Variants in RANBP2 observed in about 807,000 individuals in gnomAD.
RANBP2 encodes the protein RAN binding protein 2, also known as E3 SUMO-protein ligase RanBP2.
Under a neutral mutation model 303.6 loss-of-function variants are expected in RANBP2, and 57 were observed. The ratio of observed to expected loss-of-function variants is 0.19; its 90% CI spans 0.15 to 0.23. The LOEUF is 0.23. Ranked by LOEUF, RANBP2 falls within the 10% of genes least tolerant of loss-of-function variation. RANBP2 has a pLI of 1.00. For missense variants in RANBP2, 3,138 were observed against 3,780.8 expected, an observed-to-expected ratio of 0.83 and a Z score of 4.46; for synonymous variants, 1,167 against 1,301.5, an observed-to-expected ratio of 0.90 and a Z score of 2.23.
chr2:109,263,861 C>A, the RANBP2 span, among the ~76,000 whole-genome samples: 2 of 152,092 alleles, frequency 1.3e-5, no homozygotes, highest in Admixed American at 1.3e-4. Context: ...CCCAGCTGCT[C>A]GGGAGGCTGA....
At chr2:109,391,402 C>G in the RANBP2 span, among the ~76,000 whole-genome samples, 1 of 152,222 alleles carries the variant, frequency 6.6e-6, no homozygotes, top group East Asian at 1.9e-4. Flanking sequence ...GCAGGTCACC[C>G]ACAGGCTCGG....
the RANBP2 span, among the ~76,000 whole-genome samples, chr2:109,578,577 G>A: frequency 6.6e-6 from 1 of 152,028 alleles, no homozygotes; most frequent in Non-Finnish European, 1.5e-5. Flanking sequence ...GGCCAGTCTG[G>A]CCAACAGGGC....
the RANBP2 span, chr2:109,128,808 A>G: frequency 1.5e-5 from 3 of 202,538 alleles, no homozygotes; most frequent in African/African-American, 7.2e-5. Context: ...AAAGACTCGG[A>G]CGCTTGGAGG....
the RANBP2 span, among the ~76,000 whole-genome samples, chr2:108,824,427 G>C: frequency 1.3e-5 from 2 of 151,958 alleles, no homozygotes; most frequent in African/African-American, 4.8e-5. Context: ...GTTAGCTTAG[G>C]CTTACACAGG....
At chr2:108,939,537 C>T in the RANBP2 span, among the ~76,000 whole-genome samples, 1 of 152,034 alleles carries the variant, frequency 6.6e-6, no homozygotes, top group African/African-American at 2.4e-5. Context: ...AAGAGTTAGC[C>T]AGGAATCACA....
chr2:109,614,049 G>T, the RANBP2 span: 97 of 1,211,678 alleles, frequency 8.0e-5, no homozygotes, highest in Non-Finnish European at 9.5e-5. Context: ...TTTTGCCTGC[G>T]CCAAGCGAGC....
At chr2:109,240,287 G>A in the RANBP2 span, among the ~76,000 whole-genome samples, 4 of 152,114 alleles carry the variant, frequency 2.6e-5, no homozygotes, top group African/African-American at 4.8e-5. Context: ...ATCACTTGAG[G>A]TCGGGAGTCC....
At chr2:109,093,416 A>AG in the RANBP2 span, among the ~76,000 whole-genome samples, 1 of 151,402 alleles carries the variant, frequency 6.6e-6, no homozygotes, top group Non-Finnish European at 1.5e-5. Flanking sequence ...TAAAAAAAAA[A>AG]AAAAAAAAAG....
chr2:109,664,401 C>T, the RANBP2 span, among the ~76,000 whole-genome samples: 1 of 147,420 alleles, frequency 6.8e-6, no homozygotes, highest in African/African-American at 2.6e-5. Flanking sequence ...GTCAGGAGTG[C>T]GAGACCAGCC....
At chr2:109,094,614 G>A in the RANBP2 span, among the ~76,000 whole-genome samples, 1 of 152,206 alleles carries the variant, frequency 6.6e-6, no homozygotes, top group Non-Finnish European at 1.5e-5. Context: ...CAGATCACTT[G>A]AGGTCAGGAG....
At chr2:109,273,411 CCT>C in the RANBP2 span, among the ~76,000 whole-genome samples, 3 of 152,162 alleles carry the variant, frequency 2.0e-5, no homozygotes, top group Non-Finnish European at 2.9e-5. Context: ...CCAAGGGGAC[CCT>C]GAGACCCATG....
At chr2:109,419,538 G>A in the RANBP2 span, 1 of 1,591,710 alleles carries the variant, frequency 6.3e-7, no homozygotes, top group Admixed American at 1.8e-5. Flanking sequence ...TCTGTTTCCA[G>A]GATGTCTCCT....
the RANBP2 span, chr2:109,794,602 C>G: frequency 1.2e-6 from 1 of 852,466 alleles, no homozygotes; most frequent in Non-Finnish European, 1.3e-6. Flanking sequence ...GCGGCGGCGG[C>G]GGCGGCGGGG....
chr2:108,825,021 A>G, the RANBP2 span, among the ~76,000 whole-genome samples: 1 of 152,264 alleles, frequency 6.6e-6, no homozygotes, highest in Middle Eastern at 3.2e-3. Flanking sequence ...TGTATGGAAG[A>G]TACAGTACAC....
At chr2:109,346,933 T>G in the RANBP2 span, among the ~76,000 whole-genome samples, 1 of 151,424 alleles carries the variant, frequency 6.6e-6, no homozygotes, top group African/African-American at 2.4e-5. Context: ...GGTGGGGGGG[T>G]CTGTGATGGC....
the RANBP2 span, among the ~76,000 whole-genome samples, chr2:109,405,619 C>CA: frequency 6.6e-6 from 1 of 152,248 alleles, no homozygotes; most frequent in South Asian, 2.1e-4. Flanking sequence ...AGGCAACACA[C>CA]AGACACATAC....
the RANBP2 span, among the ~76,000 whole-genome samples, chr2:109,261,225 G>C: frequency 6.6e-6 from 1 of 152,124 alleles, no homozygotes; most frequent in Non-Finnish European, 1.5e-5. Flanking sequence ...TGTAAAGCGA[G>C]GGCCCTGGCT....
At chr2:108,915,204 T>G in the RANBP2 span, among the ~76,000 whole-genome samples, 1 of 152,194 alleles carries the variant, frequency 6.6e-6, no homozygotes, top group Non-Finnish European at 1.5e-5. Flanking sequence ...AATCCATGCC[T>G]GGGCTGGCTG....
At chr2:109,564,546 A>T in the RANBP2 span, 1 of 1,480,764 alleles carries the variant, frequency 6.8e-7, no homozygotes. Flanking sequence ...TAGCCAAAAA[A>T]AAATAAGAAA....
Sources: allele counts gnomAD v4.1 joint callset (sites outside exome capture counted in the v4.1 genomes callset), GRCh38; gene constraint gnomAD v4.1.1; transcripts MANE v1.5; gene names NCBI Gene and HGNC (gene_info 2026-07-23, HGNC 2026-07-21).